The following CALN1 variants were observed in gnomAD, a reference collection of about 807,000 sequenced individuals.
CALN1 encodes calcium-binding protein 8.
CALN1 carries 17 observed loss-of-function variants against 30.6 expected under a neutral mutation model. That is an observed-to-expected ratio of 0.56 (90% CI 0.38 to 0.83). The LOEUF (loss-of-function observed/expected upper bound fraction) is 0.83, where lower values mean the gene tolerates loss of function less well. Among genes scored for constraint, CALN1 ranks in the 40% least tolerant of loss-of-function variants. CALN1 has a pLI of 0.00. For missense variants in CALN1, 291 were observed against 354.9 expected (o/e 0.82, Z 1.45); for synonymous variants, 156 against 131.4 (o/e 1.19, Z -1.28).
intron 5 of CALN1, among the ~76,000 whole-genome samples, chr7:71,951,188 C>T (rs1172962653): frequency 6.6e-6 from 1 of 152,198 alleles, no homozygotes; most frequent in Admixed American, 6.5e-5. Context: ...TAGGGCACAA[C>T]ACCCTTTTCT....
At chr7:72,009,586 G>A (rs763467502) in intron 5 of CALN1, among the ~76,000 whole-genome samples, 7 of 152,170 alleles carry the variant, frequency 4.6e-5, no homozygotes, top group South Asian at 2.1e-4. Context: ...GTTTGGCTGT[G>A]TCCCCACCCA....
intron 3 of CALN1, among the ~76,000 whole-genome samples, chr7:72,114,024 T>G (rs1245694356): frequency 2.0e-5 from 3 of 151,302 alleles, no homozygotes; most frequent in Non-Finnish European, 4.4e-5. Context: ...TTTTCAGAGA[T>G]AGAGTGGATG....
At chr7:72,082,252 T>A (rs868138537) in intron 4 of CALN1, among the ~76,000 whole-genome samples, 7 of 152,262 alleles carry the variant, frequency 4.6e-5, no homozygotes, top group African/African-American at 1.7e-4. Context: ...TCCCAAAGTG[T>A]TGGGATTACA....
intron 3 of CALN1, among the ~76,000 whole-genome samples, chr7:72,205,582 A>ATATATATATATATATG (rs1554319695): frequency 7.5e-6 from 1 of 132,692 alleles, no homozygotes; most frequent in Non-Finnish European, 1.5e-5. Context: ...ATATATATAT[A>ATATATATATATATATG]TATATTCAGG....
At chr7:72,027,451 C>T (rs147545311) in intron 4 of CALN1, among the ~76,000 whole-genome samples, 14 of 152,270 alleles carry the variant, frequency 9.2e-5, no homozygotes, top group African/African-American at 3.4e-4. Context: ...TGGCTCATGC[C>T]TGTAATCCTA....
intron 2 of CALN1, among the ~76,000 whole-genome samples, chr7:72,319,112 G>C (rs1459489428): frequency 2.6e-5 from 4 of 152,158 alleles, no homozygotes; most frequent in African/African-American, 9.7e-5. Flanking sequence ...ATTTGCAACA[G>C]CAAAGATAAA....
chr7:71,952,745 C>T lies in CALN1; in HGVS notation c.501+70912G>A, dbSNP rs1796758608. On this transcript the variant is annotated intron_variant, in intron 5 of 6. Transcript: ENST00000395275. ...TCCCTCTTGCACAATCTGCTGAATT[C>T]TTTTTTCTAAAACCAAGCCCCACCA... is the stretch of plus-strand genomic sequence containing the variant. 1.3e-5 allele frequency among the ~76,000 whole-genome samples: 2 copies of T among 152,144 alleles called. 1 individual carries two copies. The highest frequency in any genetic ancestry group is 6.8e-3 in the Middle Eastern group (2 of 294).
At chr7:71,930,747 T>C (rs1385177270) in intron 5 of CALN1, among the ~76,000 whole-genome samples, 1 of 152,188 alleles carries the variant, frequency 6.6e-6, no homozygotes, top group Non-Finnish European at 1.5e-5. Context: ...TTCTCTCGCG[T>C]GTGTGTATTC....
At chr7:72,393,111 T>C (rs374068694) in intron 2 of CALN1, among the ~76,000 whole-genome samples, 1 of 152,024 alleles carries the variant, frequency 6.6e-6, no homozygotes, top group African/African-American at 2.4e-5. Context: ...TACAGGGTCA[T>C]AGCCCAAAGC....
intron 6 of CALN1, among the ~76,000 whole-genome samples, chr7:71,798,314 T>C (rs1351042291): frequency 6.6e-6 from 1 of 151,904 alleles, no homozygotes; most frequent in Non-Finnish European, 1.5e-5. Flanking sequence ...ATATTTTATT[T>C]ATTTATTTAT....
At chr7:72,231,742 T>C (rs2129550657) in intron 3 of CALN1, among the ~76,000 whole-genome samples, 1 of 152,360 alleles carries the variant, frequency 6.6e-6, no homozygotes, top group African/African-American at 2.4e-5. Context: ...ATCCGTGATT[T>C]CAGGCATCCA....
chr7:72,409,621 A>T (rs1029574452), intron 1 of CALN1, among the ~76,000 whole-genome samples: 3 of 152,092 alleles, frequency 2.0e-5, no homozygotes, highest in Admixed American at 1.3e-4. Flanking sequence ...AAGTATCTAA[A>T]ATTCCAATCA....
intron 4 of CALN1, among the ~76,000 whole-genome samples, chr7:72,048,797 TTTCC>T (rs1802650379): frequency 2.0e-5 from 3 of 151,604 alleles, no homozygotes; most frequent in African/African-American, 7.3e-5. Context: ...TCCTTCCTTT[TTTCC>T]TTCCTTCCTT....
intron 3 of CALN1, among the ~76,000 whole-genome samples, chr7:72,123,029 A>G (rs531288078): frequency 6.6e-6 from 1 of 152,320 alleles, no homozygotes; most frequent in East Asian, 1.9e-4. Context: ...TCAACTCTGA[A>G]TACTGCATAG....
At chr7:72,353,750 A>T (rs1025181239) in intron 2 of CALN1, among the ~76,000 whole-genome samples, 6 of 152,232 alleles carry the variant, frequency 3.9e-5, no homozygotes, top group African/African-American at 1.2e-4. Context: ...TTGGTAAGTA[A>T]GAAGTAAAAT....
At chr7:72,410,500 TAA>T (rs1156639741) in intron 1 of CALN1, among the ~76,000 whole-genome samples, 5 of 152,152 alleles carry the variant, frequency 3.3e-5, no homozygotes. Flanking sequence ...ATCACGGAAA[TAA>T]AATATATACA....
intron 2 of CALN1, among the ~76,000 whole-genome samples, chr7:72,306,169 AT>A (rs1799636447): frequency 6.6e-6 from 1 of 152,148 alleles, no homozygotes; most frequent in Non-Finnish European, 1.5e-5. Flanking sequence ...AAATCAAAAA[AT>A]TTTACCCCAA....
Position 71,838,329 on chromosome 7 carries a change from T to C in CALN1, c.502-27837A>G, listed in dbSNP as rs376341631. On this transcript the variant is annotated intron_variant, in intron 5 of 6. Coordinates refer to ENST00000395275, the MANE Select transcript of CALN1 (RefSeq NM_031468.4). The stretch of plus-strand genomic sequence containing the variant: ...GCCAGTAATTAAAGCAGGAAAATCT[T>C]TTCTCATGGACTATTGTGGTAAACA... Among the ~76,000 whole-genome samples, 10 of 152,336 alleles carry C rather than the reference T, an allele frequency of 6.6e-5. No homozygotes were observed. The East Asian group carries it at 1.7e-3, about 26-fold the overall frequency.
In CALN1 at chr7:71,882,499, A is replaced by G. The variant is rs1458328510; in HGVS notation, c.502-72007T>C. On this transcript the variant is annotated intron_variant, in intron 5 of 6. Transcript: ENST00000395275. ...TCAGCCCACCACACCTGCTTAAATT[A>G]GCTCTAACCTTGTCTCTGAATACCT... 2.6e-5 allele frequency among the ~76,000 whole-genome samples: 4 copies of G among 152,290 alleles called. No homozygotes were observed. The East Asian group carries it at 5.8e-4, about 22-fold the overall frequency.
Sources: gnomAD v4.1 joint callset for allele counts (sites outside exome capture counted in the v4.1 genomes callset) on GRCh38, gnomAD v4.1.1 for gene constraint, MANE v1.5 for transcripts, NCBI Gene and HGNC (gene_info 2026-07-23, HGNC 2026-07-21) for gene names.